YTHDC1: variants seen among roughly 807,000 people sequenced by gnomAD.
The protein encoded by YTHDC1 is YTH domain-containing protein 1.
A neutral mutation model predicts 107.0 loss-of-function variants in YTHDC1; 12 were observed. That is an observed-to-expected ratio of 0.11 (90% CI 0.07 to 0.18). YTHDC1 has a LOEUF of 0.18. Among genes scored for constraint, YTHDC1 ranks in the 10% least tolerant of loss-of-function variants. The pLI, the probability that YTHDC1 is intolerant of heterozygous loss-of-function variation, is 1.00. For missense variants in YTHDC1, 635 were observed against 898.8 expected (o/e 0.71, Z 3.75); for synonymous variants, 280 against 289.5 (o/e 0.97, Z 0.33).
At chr4:68,319,517 T>C (rs1406234163) in intron 12 of YTHDC1, among the ~76,000 whole-genome samples, 1 of 152,176 alleles carries the variant, frequency 6.6e-6, no homozygotes, top group Non-Finnish European at 1.5e-5. Flanking sequence ...ATCAAGCCAC[T>C]TGTTACATAA....
Position 68,337,694 on chromosome 4 carries a change from G to C in YTHDC1, c.337C>G (p.Arg113Gly), listed in dbSNP as rs199646486. The C allele has an allele frequency of 6.2e-7, 1 of 1,614,032 alleles. No homozygotes were observed. The highest frequency in any genetic ancestry group is 8.5e-7 in the Non-Finnish European group (1 of 1,180,010). The change falls in exon 3 of 17, where the codon CGG becomes GGG. Residue 113 changes from arginine to glycine, a missense_variant. By Grantham distance (125) the Arg-to-Gly change is moderately radical. Coordinates refer to ENST00000344157, the MANE Select transcript of YTHDC1 (RefSeq NM_001031732.4). ...GCACTACTTGATAGACGAATTTTCC[G>C]ATCAGCATCTAGACGCTTGTTTCTT... ...SERNKRLDAD[R>G]KIRLSSSASR...
chr4:68,317,460 T>TA (rs1432016901), intron 15 of YTHDC1, among the ~76,000 whole-genome samples: 1 of 152,068 alleles, frequency 6.6e-6, no homozygotes, highest in Non-Finnish European at 1.5e-5. Context: ...ATATTGCATT[T>TA]AAAAAAAGAC....
intron 16 of YTHDC1, among the ~76,000 whole-genome samples, chr4:68,315,356 AT>A (rs1721737758): frequency 6.6e-6 from 1 of 152,236 alleles, no homozygotes; most frequent in Non-Finnish European, 1.5e-5. Context: ...ACACAAAAAA[AT>A]GTCTCAAAGA....
In YTHDC1 at chr4:68,312,499, AC is replaced by A. The variant is rs1175752249; in HGVS notation, c.*1599del. Reference sequence around the variant, plus strand: ...AATTAAAGACAATGACAAAACTAGAACCCAGGTTTCCTTAAAAGTACTTTTT... The same window carrying A: ...AATTAAAGACAATGACAAAACTAGAACCAGGTTTCCTTAAAAGTACTTTTT... On this transcript the variant is annotated 3_prime_UTR_variant, in exon 17 of 17. Transcript: ENST00000344157. 6.6e-6 allele frequency: 1 copy of A among 152,180 alleles called. No individual in the cohort carries two copies. Among genetic ancestry groups the A allele is most frequent in the Non-Finnish European group, 1.5e-5 (1 of 68,038 alleles). 9.4% of individuals were successfully genotyped at this position (152,180 alleles called of 1,614,324 possible).
Position 68,318,452 on chromosome 4 carries a change from G to A in YTHDC1, c.1824+67C>T, listed in dbSNP as rs1722101416. ...AGTAACTGTAACAATCATATTCCGA[G>A]TAAGCACCTGAAATACTAGAACTGC... is the stretch of plus-strand genomic sequence containing the variant. On this transcript the variant is annotated intron_variant, in intron 15 of 16. Coordinates refer to ENST00000344157, the MANE Select transcript of YTHDC1 (RefSeq NM_001031732.4). 3 of 1,430,316 alleles carry A rather than the reference G, an allele frequency of 2.1e-6. No homozygotes were observed. The East Asian group carries it at 7.2e-5, about 34-fold the overall frequency. 88.6% of individuals were successfully genotyped at this position (1,430,316 alleles called of 1,614,324 possible).
intron 2 of YTHDC1, 112 bp downstream of exon 2, chr4:68,338,171 T>A: frequency 7.7e-7 from 1 of 1,299,870 alleles, no homozygotes; most frequent in Non-Finnish European, 1.1e-6. Flanking sequence ...GTACATTTAG[T>A]GTTAACTGCC....
intron 16 of YTHDC1, 138 bp from the exon 17 acceptor site, chr4:68,314,461 A>T: frequency 1.5e-6 from 1 of 686,978 alleles, no homozygotes; most frequent in Non-Finnish European, 2.2e-6. Flanking sequence ...ATCGGCGGAG[A>T]GAACAATCCA....
chr4:68,343,012 CAGT>C (rs1285562782), intron 1 of YTHDC1, among the ~76,000 whole-genome samples: 1 of 152,032 alleles, frequency 6.6e-6, no homozygotes, highest in Non-Finnish European at 1.5e-5. Context: ...AATAGTTTGA[CAGT>C]AGTATCCCAA....
intron 9 of YTHDC1, 102 bp downstream of exon 9, chr4:68,329,899 CA>C: frequency 2.5e-6 from 2 of 801,144 alleles, no homozygotes; most frequent in Non-Finnish European, 4.1e-6. Flanking sequence ...AGTTACTGAA[CA>C]AGGTAAGATA....
At position 68,310,663 on chromosome 4, in the gene YTHDC1, C is replaced by G. The variant is rs369817548; in HGVS notation, c.*3436G>C. On this transcript the variant is annotated 3_prime_UTR_variant, in exon 17 of 17. Transcript: ENST00000344157. ...CCTCAATTTTAATATGTGTTTCAAA[C>G]TGCATTTGGAATGTTTCCTACCCAA... 1.3e-5 allele frequency: 2 copies of G among 152,170 alleles called. No individual in the cohort carries two copies. The highest frequency in any genetic ancestry group is 2.1e-4 in the South Asian group (1 of 4,826). 9.4% of individuals were successfully genotyped at this position (152,170 alleles called of 1,614,324 possible).
chr4:68,314,241 C>T lies in YTHDC1; in HGVS notation c.2042G>A (p.Arg681Lys). 1 of 1,614,022 alleles carries T rather than the reference C, an allele frequency of 6.2e-7. No homozygotes were observed. Among genetic ancestry groups the T allele is most frequent in the African/African-American group, 1.3e-5 (1 of 75,000 alleles). The change falls in exon 17 of 17, where the codon AGA becomes AAA. Residue 681 changes from arginine to lysine, a missense_variant. By Grantham distance (26) the Arg-to-Lys change is conservative. Coordinates refer to ENST00000344157, the MANE Select transcript of YTHDC1 (RefSeq NM_001031732.4). ...GCGGTCTCGCTCTCGTTCCCGGTCT[C>T]TTTCACGGGGTCTACTTCTCCGGCC... ...VSGRRSRPRE[R>K]DRERERDRPR... is the part of the protein sequence containing the mutation.
chr4:68,321,064 C>A (rs1460781930), intron 11 of YTHDC1, among the ~76,000 whole-genome samples: 1 of 151,758 alleles, frequency 6.6e-6, no homozygotes, highest in African/African-American at 2.4e-5. Flanking sequence ...CTTAACACAT[C>A]ATTAAATACA....
chr4:68,322,651 T>A lies in YTHDC1; in HGVS notation c.1601+98A>T. 1 of 1,404,258 alleles carries A rather than the reference T, an allele frequency of 7.1e-7. No individual in the cohort carries two copies. The highest frequency in any genetic ancestry group is 1.6e-5 in the South Asian group (1 of 63,414). 87.0% of individuals were successfully genotyped at this position (1,404,258 alleles called of 1,614,324 possible). A position where few individuals can be genotyped will look rare whatever the true frequency, so the allele number is the denominator to read the frequency against. On this transcript the variant is annotated intron_variant, in intron 11 of 16. Coordinates refer to ENST00000344157, the MANE Select transcript of YTHDC1 (RefSeq NM_001031732.4). This position sits in a 1 kb window ranked among gnomAD's most constrained non-coding sequence, Gnocchi z 4.8. ...GCAGCTTGATTTGAGGATTTTCTCT[T>A]TCTTCTTTACCGCAGGACAAACTTT... is the stretch of plus-strand genomic sequence containing the variant.
intron 4 of YTHDC1, among the ~76,000 whole-genome samples, chr4:68,333,689 C>CG (rs373602775): frequency 0.037 from 5,607 of 151,204 alleles, 113 homozygotes; most frequent in Middle Eastern, 0.065. Flanking sequence ...GTTTTCCAAG[C>CG]GGGGGGGGAA....
chr4:68,318,179 C>CCT (rs1431373904), intron 15 of YTHDC1, among the ~76,000 whole-genome samples: 1 of 152,188 alleles, frequency 6.6e-6, no homozygotes. Flanking sequence ...CTCACTGTAA[C>CCT]CTCTGCCTCC....
intron 4 of YTHDC1, among the ~76,000 whole-genome samples, chr4:68,336,172 G>A (rs537392905): frequency 6.6e-6 from 1 of 151,216 alleles, no homozygotes; most frequent in Non-Finnish European, 1.5e-5. Context: ...ATAATAAACT[G>A]TAAATGTATT....
At chr4:68,324,749 A>G (rs901890130) in intron 9 of YTHDC1, among the ~76,000 whole-genome samples, 14 of 152,170 alleles carry the variant, frequency 9.2e-5, no homozygotes, top group Admixed American at 9.2e-4. Context: ...AATACTCTTC[A>G]CTACGCATAG....
chr4:68,335,555 C>T (rs1724060406), intron 4 of YTHDC1, among the ~76,000 whole-genome samples: 1 of 152,010 alleles, frequency 6.6e-6, no homozygotes, highest in Admixed American at 6.6e-5. Context: ...TCTGGTCCTA[C>T]CCATTTAAGT....
At chr4:68,324,638 C>G (rs1312796624) in intron 9 of YTHDC1, among the ~76,000 whole-genome samples, 3 of 152,190 alleles carry the variant, frequency 2.0e-5, no homozygotes, top group Admixed American at 2.0e-4. Flanking sequence ...AGAAGCTGGA[C>G]CTTAACCCAG....
Sources: allele counts gnomAD v4.1 joint callset (sites outside exome capture counted in the v4.1 genomes callset), GRCh38; gene constraint gnomAD v4.1.1; non-coding constraint Gnocchi (gnomAD v3.1); transcripts MANE v1.5; gene names NCBI Gene and HGNC (gene_info 2026-07-23, HGNC 2026-07-21).